Variants in LRRK2 observed in about 807,000 individuals in gnomAD.
LRRK2 encodes the protein leucine rich repeat kinase 2, also known as leucine-rich repeat serine/threonine-protein kinase 2.
In LRRK2, 203 loss-of-function variants were observed where a neutral mutation model predicts 302.6. That is an observed-to-expected ratio of 0.67 (90% CI 0.60 to 0.75). The LOEUF (loss-of-function observed/expected upper bound fraction) is 0.75, where lower values mean the gene tolerates loss of function less well. Ranked by LOEUF, LRRK2 falls within the 30% of genes least tolerant of loss-of-function variation. LRRK2 has a pLI of 0.00. For synonymous variants in LRRK2, 1,066 were observed against 1,031.9 expected (o/e 1.03, Z -0.63); for missense variants, 2,830 against 2,951.0 (o/e 0.96, Z 0.95).
intron 16 of LRRK2, among the ~76,000 whole-genome samples, chr12:40,276,746 C>G (rs947551424): frequency 1.4e-4 from 21 of 152,196 alleles, no homozygotes; most frequent in Admixed American, 1.2e-3. Flanking sequence ...TAAATTAAGG[C>G]TACTTTGCTT....
rs1468973571 is a variant in LRRK2, at chr12:40,225,550, TCCAGCCTCCAA to T, written c.152-4_158del. ...GCTTCTTTTCCCCACCCACTTGTTT[TCCAGCCTCCAA>T]GTTATTTCAAGGCAAAAATATCCAT... On this transcript the variant is annotated splice_acceptor_variant and splice_polypyrimidine_tract_variant and coding_sequence_variant and intron_variant, in exon 2 of 51. Coordinates refer to ENST00000298910, the MANE Select transcript of LRRK2 (RefSeq NM_198578.4). LOFTEE classifies it high-confidence loss of function. The T allele has an allele frequency of 3.1e-6, 5 of 1,613,042 alleles. No homozygotes were observed. Among genetic ancestry groups the T allele is most frequent in the Non-Finnish European group, 4.2e-6 (5 of 1,179,106 alleles).
intron 14 of LRRK2, among the ~76,000 whole-genome samples, chr12:40,270,910 T>C (rs989306638): frequency 6.6e-6 from 1 of 152,086 alleles, no homozygotes; most frequent in African/African-American, 2.4e-5. Flanking sequence ...ATTCTGAGTT[T>C]GGAAGTAGAA....
chr12:40,347,027 T>A (rs1565769687), intron 42 of LRRK2, 104 bp downstream of exon 42: 2 of 34,656 alleles, frequency 5.8e-5, no homozygotes, highest in South Asian at 3.0e-4. Flanking sequence ...CAGATGATCA[T>A]TTTTTTTGTT....
intron 39 of LRRK2, among the ~76,000 whole-genome samples, chr12:40,334,666 G>C (rs1215667929): frequency 6.6e-6 from 1 of 152,196 alleles, no homozygotes; most frequent in African/African-American, 2.4e-5. Context: ...GGGCTGAGGA[G>C]GGGGAGGTAG....
intron 46 of LRRK2, among the ~76,000 whole-genome samples, chr12:40,356,658 A>C (rs1592336278): frequency 6.6e-6 from 1 of 152,196 alleles, no homozygotes; most frequent in Middle Eastern, 3.4e-3. Flanking sequence ...TATTCACTCA[A>C]CTTCCTACCC....
At chr12:40,253,814 A>G (rs1942384575) in intron 11 of LRRK2, among the ~76,000 whole-genome samples, 1 of 152,234 alleles carries the variant, frequency 6.6e-6, no homozygotes. Context: ...ACCAGTGATC[A>G]CTTTCCTCCT....
At chr12:40,315,180 A>G in intron 32 of LRRK2, 32 bp from the exon 33 acceptor site, 2 of 1,538,166 alleles carry the variant, frequency 1.3e-6, no homozygotes, top group East Asian at 2.3e-5. Context: ...TCTAGATTCC[A>G]TGTTTCACTG....
intron 16 of LRRK2, among the ~76,000 whole-genome samples, chr12:40,276,287 C>T (rs1469581522): frequency 6.6e-6 from 1 of 152,050 alleles, no homozygotes; most frequent in Non-Finnish European, 1.5e-5. Flanking sequence ...TTTTATTTGT[C>T]CAGTTCAGGG....
rs2136879634 is a variant in LRRK2, at chr12:40,320,014, T to A, written c.4854T>A (p.Cys1618Ter). 2 of 1,610,474 alleles carry A rather than the reference T, an allele frequency of 1.2e-6. No homozygotes were observed. The highest frequency in any genetic ancestry group is 4.5e-5 in the East Asian group (2 of 44,800). Residue 1618 changes from cysteine to a stop codon, truncating the protein, a stop_gained, in exon 34 of 51, where the codon TGT (cysteine) becomes TGA (stop). Coordinates refer to ENST00000298910, the MANE Select transcript of LRRK2 (RefSeq NM_198578.4). LOFTEE classifies it high-confidence loss of function. The part of the protein sequence containing the change: ...AQILTVKVEG[C>*]PKHPKGIISR... ...TTTTGACAGTGAAAGTGGAAGGTTG[T>A]CCAAAACACCCTAAGGGCATTATTT...
At chr12:40,298,927 A>ACTATATATAATACTTATTATATAT in intron 24 of LRRK2, among the ~76,000 whole-genome samples, 182 bp from the exon 25 acceptor site, 27 of 129,226 alleles carry the variant, frequency 2.1e-4, no homozygotes, top group African/African-American at 6.6e-4. Context: ...TTATATATAT[A>ACTATATATAATACTTATTATATAT]ATAAAAGACC....
chr12:40,344,103 A>G (rs750638008), intron 41 of LRRK2, among the ~76,000 whole-genome samples: 1 of 152,158 alleles, frequency 6.6e-6, no homozygotes, highest in Non-Finnish European at 1.5e-5. Flanking sequence ...TGTGAAAAAA[A>G]ATCCCAACCT....
chr12:40,287,563 T>C lies in LRRK2; in HGVS notation c.2689+24T>C. 3 of 1,602,988 alleles carry C rather than the reference T, an allele frequency of 1.9e-6. No homozygotes were observed. The South Asian group carries it at 3.3e-5, about 18-fold the overall frequency. The stretch of plus-strand genomic sequence containing the variant: ...AGGTATTTATTATAAAAAAAAACCC[T>C]TTATGCTTTATATTTACACACTGAC... On this transcript the variant is annotated intron_variant, in intron 20 of 50. Transcript: ENST00000298910.
At chr12:40,326,860 T>A (rs1431067777) in intron 38 of LRRK2, among the ~76,000 whole-genome samples, 1 of 152,216 alleles carries the variant, frequency 6.6e-6, no homozygotes, top group Admixed American at 6.5e-5. Context: ...ATGCAAATAA[T>A]ACTTTTAACA....
chr12:40,290,050 T>C (rs1237375471), intron 20 of LRRK2, among the ~76,000 whole-genome samples: 1 of 152,008 alleles, frequency 6.6e-6, no homozygotes, highest in African/African-American at 2.4e-5. Flanking sequence ...TCACTAATTA[T>C]GACATTATCT....
chr12:40,235,539 A>C lies in LRRK2; in HGVS notation c.348-87A>C, dbSNP rs865845038. On this transcript the variant is annotated intron_variant, in intron 3 of 50. Coordinates refer to ENST00000298910, the MANE Select transcript of LRRK2 (RefSeq NM_198578.4). ...GGAATTAAATACAATGAGAGTAATAAAAAATAGGTGAGCAAAAAAAATGCA... is the reference window on the plus strand; with the variant it reads ...GGAATTAAATACAATGAGAGTAATACAAAATAGGTGAGCAAAAAAAATGCA... 98 of 857,542 alleles carry C rather than the reference A, an allele frequency of 1.1e-4. No individual in the cohort carries two copies. In the Middle Eastern group the frequency reaches 2.7e-3, roughly 23 times the overall value. 53.1% of individuals were successfully genotyped at this position (857,542 alleles called of 1,614,324 possible).
chr12:40,228,927 T>C (rs1182315729), intron 2 of LRRK2, among the ~76,000 whole-genome samples: 1 of 152,228 alleles, frequency 6.6e-6, no homozygotes, highest in Non-Finnish European at 1.5e-5. Context: ...AAAGAGCTTG[T>C]GACAGACCTA....
At chr12:40,302,417 A>G (rs999272931) in intron 25 of LRRK2, among the ~76,000 whole-genome samples, 2 of 152,064 alleles carry the variant, frequency 1.3e-5, no homozygotes, top group African/African-American at 4.8e-5. Flanking sequence ...TAAAGTGTTC[A>G]TAGTTGTTTT....
At chr12:40,232,221 T>C in intron 2 of LRRK2, 53 bp from the exon 3 acceptor site, 1 of 1,235,860 alleles carries the variant, frequency 8.1e-7, no homozygotes, top group South Asian at 1.2e-5. Context: ...TGACTGAGTA[T>C]GCTCTATTAA....
chr12:40,260,520 G>A (rs190847996), intron 13 of LRRK2, among the ~76,000 whole-genome samples: 83 of 151,870 alleles, frequency 5.5e-4, no homozygotes, highest in Admixed American at 5.4e-3. Context: ...GCTTGGGGAT[G>A]AGTGTGGAAG....
Sources: gnomAD v4.1 joint callset for allele counts (sites outside exome capture counted in the v4.1 genomes callset) on GRCh38, gnomAD v4.1.1 for gene constraint, MANE v1.5 for transcripts, NCBI Gene and HGNC (gene_info 2026-07-23, HGNC 2026-07-21) for gene names.